The following COPS2 variants were observed in gnomAD, a reference collection of about 807,000 sequenced individuals.
The protein encoded by COPS2 is COP9 signalosome subunit 2.
A neutral mutation model predicts 66.1 loss-of-function variants in COPS2; 10 were observed. The ratio of observed to expected loss-of-function variants is 0.15; its 90% CI spans 0.09 to 0.26. The LOEUF (loss-of-function observed/expected upper bound fraction) is 0.26. COPS2 is among the 10% of genes least tolerant of loss of function. COPS2 has a pLI of 1.00. For synonymous variants in COPS2, 179 were observed against 171.3 expected (o/e 1.04, Z -0.35); for missense variants, 215 against 513.3 (o/e 0.42, Z 5.62).
intron 3 of COPS2, among the ~76,000 whole-genome samples, chr15:49,142,061 A>C (rs753438308): frequency 6.6e-6 from 1 of 152,214 alleles, no homozygotes; most frequent in Non-Finnish European, 1.5e-5. Context: ...TGCTTCTTCC[A>C]CAGCCTTCTA....
intron 6 of COPS2, among the ~76,000 whole-genome samples, chr15:49,136,530 G>A (rs957958374): frequency 6.6e-6 from 1 of 152,150 alleles, no homozygotes; most frequent in Non-Finnish European, 1.5e-5. Flanking sequence ...CTGTTGGACA[G>A]TGCTGCTAGG....
Position 49,123,606 on chromosome 15 carries a change from T to G in COPS2, c.*4344A>C, listed in dbSNP as rs1595817040. 1 of 152,240 alleles carries G rather than the reference T, an allele frequency of 6.6e-6. No homozygotes were observed. Among genetic ancestry groups the G allele is most frequent in the Non-Finnish European group, 1.5e-5 (1 of 68,032 alleles). 9.4% of individuals were successfully genotyped at this position (152,240 alleles called of 1,614,324 possible). Reference sequence around the variant, plus strand: ...TGGTCAGCTATTCATGTGGAAATTCTGAGCAAAGTTCATAATTTTGCCAAC... The same window carrying G: ...TGGTCAGCTATTCATGTGGAAATTCGGAGCAAAGTTCATAATTTTGCCAAC... On this transcript the variant is annotated 3_prime_UTR_variant, in exon 13 of 13. Transcript: ENST00000388901.
rs1257099847 is a variant in COPS2 at position 49,138,847 on chromosome 15, TCA to T, written c.372+679_372+680del. Among the ~76,000 whole-genome samples the T allele has an allele frequency of 2.0e-5, 3 of 152,148 alleles. No individual in the cohort carries two copies. In the East Asian group the frequency reaches 5.8e-4, roughly 29 times the overall value. On this transcript the variant is annotated intron_variant, in intron 4 of 12. Coordinates refer to ENST00000388901, the MANE Select transcript of COPS2 (RefSeq NM_004236.4). Reference sequence around the variant, plus strand: ...AGAGACTATATCTTGTACTCAAGTATCACAGAGTAAGAGGACGAAAAACTAAA... The same window carrying T: ...AGAGACTATATCTTGTACTCAAGTATCAGAGTAAGAGGACGAAAAACTAAA...
intron 1 of COPS2, 117 bp downstream of exon 1, chr15:49,155,408 C>T (rs1354098462): frequency 6.3e-5 from 57 of 903,382 alleles, no homozygotes; most frequent in Non-Finnish European, 9.8e-5. Flanking sequence ...CCTGTCACCG[C>T]ACTGAGAGAG....
chr15:49,139,155 C>T (rs2084273171), intron 4 of COPS2: 1 of 159,428 alleles, frequency 6.3e-6, no homozygotes, highest in African/African-American at 2.4e-5. Context: ...TTTAATATAA[C>T]CAAATCCACA....
At chr15:49,148,786 C>T (rs962804155) in intron 1 of COPS2, among the ~76,000 whole-genome samples, 13 of 152,218 alleles carry the variant, frequency 8.5e-5, no homozygotes, top group African/African-American at 3.1e-4. Flanking sequence ...GGAATAAACA[C>T]AGAAGATGTT....
chr15:49,127,914 G>A lies in COPS2; in HGVS notation c.*36C>T, dbSNP rs745320766. 1.2e-6 allele frequency: 2 copies of A among 1,608,794 alleles called. No individual in the cohort carries two copies. Among genetic ancestry groups the A allele is most frequent in the Non-Finnish European group, 1.7e-6 (2 of 1,176,626 alleles). On this transcript the variant is annotated 3_prime_UTR_variant, in exon 13 of 13. Coordinates refer to ENST00000388901, the MANE Select transcript of COPS2 (RefSeq NM_004236.4). ...CTTTTAAGGATTACATCTCTGCACT[G>A]TTGCCTTAAGGACGTCTGTAAAAGC...
chr15:49,142,871 A>G (rs1432968132), intron 3 of COPS2, among the ~76,000 whole-genome samples: 1 of 152,156 alleles, frequency 6.6e-6, no homozygotes, highest in Non-Finnish European at 1.5e-5. Context: ...TTCTAAGATT[A>G]TAACAACGAA....
At chr15:49,128,571 CTCT>C in intron 12 of COPS2, 128 bp downstream of exon 12, 1 of 596,416 alleles carries the variant, frequency 1.7e-6, no homozygotes, top group Non-Finnish European at 3.0e-6. Context: ...ACATATATAT[CTCT>C]TCTAATAGAA....
chr15:49,154,984 G>T (rs1354243605), intron 1 of COPS2, among the ~76,000 whole-genome samples: 1 of 152,094 alleles, frequency 6.6e-6, no homozygotes. Context: ...ACTTACCTCG[G>T]ACCAAAACTG....
chr15:49,130,867 T>C (rs1177965259), intron 9 of COPS2, 51 bp from the exon 10 acceptor site: 1 of 966,788 alleles, frequency 1.0e-6, no homozygotes, highest in African/African-American at 1.6e-5. Flanking sequence ...AAGTTATGTA[T>C]TAAATCAGAT....
At chr15:49,135,019 T>C (rs1233443458) in intron 6 of COPS2, among the ~76,000 whole-genome samples, 1 of 152,170 alleles carries the variant, frequency 6.6e-6, no homozygotes, top group Non-Finnish European at 1.5e-5. Flanking sequence ...GACATACCTA[T>C]GATTAAGTTT....
chr15:49,145,517 T>TA (rs1023644031), intron 1 of COPS2, among the ~76,000 whole-genome samples: 8 of 152,170 alleles, frequency 5.3e-5, no homozygotes, highest in African/African-American at 1.9e-4. Context: ...TTCATTATTG[T>TA]AACACGGTTT....
chr15:49,133,276 C>T (rs1244026154), intron 9 of COPS2, among the ~76,000 whole-genome samples: 1 of 152,192 alleles, frequency 6.6e-6, no homozygotes, highest in East Asian at 1.9e-4. Context: ...GCGTGAGCCA[C>T]CACGCCCAGC....
At chr15:49,150,976 T>C (rs987779153) in intron 1 of COPS2, among the ~76,000 whole-genome samples, 2 of 152,188 alleles carry the variant, frequency 1.3e-5, no homozygotes, top group East Asian at 1.9e-4. Flanking sequence ...ATTTATCCCC[T>C]AATCCCAACT....
At chr15:49,144,105 G>A in intron 3 of COPS2, 122 bp downstream of exon 3, 1 of 703,356 alleles carries the variant, frequency 1.4e-6, no homozygotes. Context: ...CTGCAGAGCA[G>A]ACTAAATATA....
chr15:49,153,567 T>A (rs1170496205), intron 1 of COPS2, among the ~76,000 whole-genome samples: 3 of 152,250 alleles, frequency 2.0e-5, no homozygotes, highest in Non-Finnish European at 4.4e-5. Flanking sequence ...AGAAAATCGG[T>A]CTATTAAAGG....
At chr15:49,136,671 A>G (rs1046057766) in intron 6 of COPS2, among the ~76,000 whole-genome samples, 2 of 152,150 alleles carry the variant, frequency 1.3e-5, no homozygotes, top group Non-Finnish European at 2.9e-5. Flanking sequence ...GTTTATTGAT[A>G]CTGGTACCTC....
chr15:49,133,860 T>G (rs1223283985), intron 8 of COPS2, 49 bp from the exon 9 acceptor site: 11 of 1,544,502 alleles, frequency 7.1e-6, no homozygotes, highest in Non-Finnish European at 9.6e-6. Flanking sequence ...AGAAACAACA[T>G]TTTAAAAAAA....
Sources: allele counts gnomAD v4.1 joint callset (sites outside exome capture counted in the v4.1 genomes callset), GRCh38; gene constraint gnomAD v4.1.1; transcripts MANE v1.5; gene names NCBI Gene and HGNC (gene_info 2026-07-23, HGNC 2026-07-21).